FSHR: variants seen among roughly 807,000 people sequenced by gnomAD.
FSHR encodes follicle stimulating hormone receptor.
FSHR carries 46 observed loss-of-function variants against 52.1 expected under a neutral mutation model. That is an observed-to-expected ratio of 0.88 (90% confidence interval 0.70 to 1.13). The LOEUF is 1.13. Among genes scored for constraint, FSHR ranks in the 50% most tolerant of loss-of-function variants. The pLI is 0.00. For missense variants in FSHR, 964 were observed against 834.6 expected, an observed-to-expected ratio of 1.16 and a Z score of -1.91; for synonymous variants, 399 against 309.6, an observed-to-expected ratio of 1.29 and a Z score of -3.03.
At chr2:49,124,590 A>ATT (rs928256125) in intron 1 of FSHR, among the ~76,000 whole-genome samples, 1 of 151,986 alleles carries the variant, frequency 6.6e-6, no homozygotes, top group Non-Finnish European at 1.5e-5. Flanking sequence ...CCCTATAACA[A>ATT]TTTTGACACT....
chr2:49,020,470 A>T (rs1315449097), intron 2 of FSHR, among the ~76,000 whole-genome samples: 5 of 152,118 alleles, frequency 3.3e-5, no homozygotes, highest in Admixed American at 3.3e-4. Context: ...CAGGATGAGA[A>T]CAAAATTTAA....
chr2:49,147,479 G>A (rs1326614231), intron 1 of FSHR, among the ~76,000 whole-genome samples: 5 of 152,178 alleles, frequency 3.3e-5, no homozygotes, highest in African/African-American at 9.6e-5. Context: ...TCTTAGAGTA[G>A]AGGACTTGGG....
chr2:49,057,042 C>A (rs931319728), intron 2 of FSHR, among the ~76,000 whole-genome samples: 1 of 151,728 alleles, frequency 6.6e-6, no homozygotes, highest in South Asian at 2.1e-4. Context: ...CAGTAAACCC[C>A]TATATGAAAA....
At chr2:49,001,995 T>C (rs973492973) in intron 4 of FSHR, among the ~76,000 whole-genome samples, 1 of 152,186 alleles carries the variant, frequency 6.6e-6, no homozygotes, top group African/African-American at 2.4e-5. Flanking sequence ...ATCTAGTAGA[T>C]GCTCAGTAAG....
In FSHR at chr2:49,020,115, C is replaced by T. The variant is rs574070235; in HGVS notation, c.270G>A (p.Val90=). Residue 90 remains valine, a synonymous_variant, in exon 3 of 10, where the codon GTG becomes GTA. Coordinates refer to ENST00000406846, the MANE Select transcript of FSHR (RefSeq NM_000145.4). Reference sequence around the variant, plus strand: ...CATGTAATTTGGGAAGGTTGGAGAACACATCTGCCTCTATCACCTCCAAGA... The same window carrying T: ...CATGTAATTTGGGAAGGTTGGAGAATACATCTGCCTCTATCACCTCCAAGA... The part of the protein sequence containing the change: ...NDVLEVIEAD[V]FSNLPKLHEI... 11 of 1,613,716 alleles carry T rather than the reference C, an allele frequency of 6.8e-6. No individual in the cohort carries two copies. The highest frequency in any genetic ancestry group is 1.7e-4 in the Middle Eastern group (1 of 6,060).
chr2:49,015,034 A>G (rs1448941108), intron 4 of FSHR: 4 of 327,692 alleles, frequency 1.2e-5, no homozygotes, highest in East Asian at 1.8e-4. Context: ...TTATATTTCT[A>G]TAGTTCTTTA....
intron 8 of FSHR, among the ~76,000 whole-genome samples, chr2:48,972,850 C>A (rs903919028): frequency 6.6e-6 from 1 of 152,120 alleles, no homozygotes; most frequent in East Asian, 1.9e-4. Context: ...TATGTCTCCC[C>A]CTTGAGTTTA....
At chr2:48,970,273 C>A (rs1007188937) in intron 8 of FSHR, among the ~76,000 whole-genome samples, 2 of 152,154 alleles carry the variant, frequency 1.3e-5, no homozygotes, top group East Asian at 1.9e-4. Flanking sequence ...ATTTCCCAAG[C>A]AAATTTATAC....
At chr2:49,145,385 A>G (rs1672834914) in intron 1 of FSHR, among the ~76,000 whole-genome samples, 1 of 152,116 alleles carries the variant, frequency 6.6e-6, no homozygotes, top group African/African-American at 2.4e-5. Flanking sequence ...ATAAAATAAA[A>G]CAAGGATTTG....
chr2:49,006,798 T>C (rs367887734), intron 4 of FSHR, among the ~76,000 whole-genome samples: 1 of 152,140 alleles, frequency 6.6e-6, no homozygotes, highest in African/African-American at 2.4e-5. Context: ...TCCATCGATA[T>C]CTCCTATATC....
At chr2:49,145,676 G>A (rs1672844789) in intron 1 of FSHR, among the ~76,000 whole-genome samples, 1 of 152,082 alleles carries the variant, frequency 6.6e-6, no homozygotes, top group African/African-American at 2.4e-5. Flanking sequence ...GTAAGAGCAA[G>A]GAAAAACATT....
In FSHR at chr2:49,124,401, T is replaced by A. The variant is rs556065862; in HGVS notation, c.152+29865A>T. 4.6e-5 allele frequency among the ~76,000 whole-genome samples: 7 copies of A among 152,248 alleles called. No homozygotes were observed. In the South Asian group the frequency reaches 1.5e-3, roughly 32 times the overall value. On this transcript the variant is annotated intron_variant, in intron 1 of 9. Transcript: ENST00000406846. ...AAACAAAAATATAATTAATATTACA[T>A]TCATATCCAAATCACAATCTTTAGG... is the stretch of plus-strand genomic sequence containing the variant.
chr2:49,122,581 T>A (rs1160460478), intron 1 of FSHR, among the ~76,000 whole-genome samples: 1 of 152,182 alleles, frequency 6.6e-6, no homozygotes, highest in African/African-American at 2.4e-5. Context: ...CATAATGGCC[T>A]GCATTCTGTC....
chr2:49,135,349 A>G (rs1672452537), intron 1 of FSHR, among the ~76,000 whole-genome samples: 1 of 152,188 alleles, frequency 6.6e-6, no homozygotes, highest in Non-Finnish European at 1.5e-5. Flanking sequence ...AAAATTAACC[A>G]GCACAATACT....
chr2:49,131,673 C>G (rs1159302832), intron 1 of FSHR, among the ~76,000 whole-genome samples: 2 of 151,960 alleles, frequency 1.3e-5, no homozygotes, highest in Non-Finnish European at 2.9e-5. Context: ...CTTCAACTAC[C>G]CTCTCCCCTA....
chr2:48,962,739 T>G lies in FSHR; in HGVS notation c.2082A>C (p.Gln694His). The G allele has an allele frequency of 6.2e-7, 1 of 1,613,674 alleles. No homozygotes were observed. The highest frequency in any genetic ancestry group is 8.5e-7 in the Non-Finnish European group (1 of 1,179,580). ...TACATTTTCACATTGTGTTTTAGTTTTGGGCTAAATGACTTAGAGGGACAA... is the reference window on the plus strand; with the variant it reads ...TACATTTTCACATTGTGTTTTAGTTGTGGGCTAAATGACTTAGAGGGACAA... ...YILVPLSHLAQN is the reference protein window; with the variant it reads ...YILVPLSHLAHN The change falls in exon 10 of 10, where the codon CAA becomes CAC. Residue 694 changes from glutamine (Q) to histidine (H), a missense_variant. Coordinates refer to ENST00000406846, the MANE Select transcript of FSHR (RefSeq NM_000145.4).
At chr2:49,049,918 A>G (rs893122829) in intron 2 of FSHR, among the ~76,000 whole-genome samples, 1 of 151,740 alleles carries the variant, frequency 6.6e-6, no homozygotes, top group Admixed American at 6.6e-5. Flanking sequence ...AAGCTAATAA[A>G]TTATTCCCCT....
At chr2:49,020,023 A>T (rs550320631) in intron 3 of FSHR, 63 bp downstream of exon 3, 3 of 1,370,598 alleles carry the variant, frequency 2.2e-6, no homozygotes, top group Non-Finnish European at 3.1e-6. Flanking sequence ...CCAGGAATGT[A>T]GAAGAACTTT....
chr2:49,119,064 A>G (rs1002194255), intron 1 of FSHR, among the ~76,000 whole-genome samples: 2 of 152,214 alleles, frequency 1.3e-5, no homozygotes, highest in African/African-American at 4.8e-5. Flanking sequence ...GGGGACCTCC[A>G]CGTTACATGG....
Sources: allele counts gnomAD v4.1 joint callset (sites outside exome capture counted in the v4.1 genomes callset), GRCh38; gene constraint gnomAD v4.1.1; transcripts MANE v1.5; gene names NCBI Gene and HGNC (gene_info 2026-07-23, HGNC 2026-07-21).